DLC1: variants seen among roughly 807,000 people sequenced by gnomAD.
The protein encoded by DLC1 is DLC1 Rho GTPase activating protein.
In DLC1, 54 loss-of-function variants were observed where a neutral mutation model predicts 140.3. The ratio of observed to expected loss-of-function variants is 0.38; its 90% CI spans 0.31 to 0.48. DLC1 has a LOEUF of 0.48. DLC1 is among the 20% of genes least tolerant of loss of function. The pLI is 0.96. For missense variants in DLC1, 2,536 were observed against 1,907.0 expected, an observed-to-expected ratio of 1.33 and a Z score of -6.14; for synonymous variants, 986 against 728.1, an observed-to-expected ratio of 1.35 and a Z score of -5.70.
chr8:13,163,947 G>A (rs967806891), intron 5 of DLC1, among the ~76,000 whole-genome samples: 2 of 152,090 alleles, frequency 1.3e-5, no homozygotes, highest in African/African-American at 4.8e-5. Context: ...CAAGGCTTCA[G>A]TGAGCCATGA....
chr8:13,106,091 G>GAGGGAGGAGTGCA (rs1183779544), intron 7 of DLC1, among the ~76,000 whole-genome samples: 8 of 152,162 alleles, frequency 5.3e-5, no homozygotes, highest in Non-Finnish European at 7.3e-5. Context: ...CTGCTCTGAA[G>GAGGGAGGAGTGCA]AGGGAGGAGT....
chr8:13,143,496 C>A (rs1410011767), intron 5 of DLC1, among the ~76,000 whole-genome samples: 8 of 152,100 alleles, frequency 5.3e-5, no homozygotes, highest in African/African-American at 1.9e-4. Flanking sequence ...CAATCTGTTG[C>A]CTAAGCTGAA....
At chr8:13,248,133 A>G (rs561987049) in intron 5 of DLC1, among the ~76,000 whole-genome samples, 2 of 152,246 alleles carry the variant, frequency 1.3e-5, no homozygotes, top group South Asian at 4.2e-4. Flanking sequence ...TGTTAAATGA[A>G]CCACTTCCTT....
chr8:13,537,494 C>A (rs1196254659), intron 1 of DLC1, among the ~76,000 whole-genome samples: 2 of 152,054 alleles, frequency 1.3e-5, no homozygotes, highest in Non-Finnish European at 2.9e-5. Flanking sequence ...ATGAATCAAT[C>A]TCAAGTCTTA....
At chr8:13,461,786 C>T (rs1453526463) in intron 2 of DLC1, among the ~76,000 whole-genome samples, 1 of 152,104 alleles carries the variant, frequency 6.6e-6, no homozygotes, top group African/African-American at 2.4e-5. Flanking sequence ...GCAGAGGGAG[C>T]CTCATCTCTC....
chr8:13,124,957 C>G (rs1388637356), intron 5 of DLC1, among the ~76,000 whole-genome samples: 1 of 152,018 alleles, frequency 6.6e-6, no homozygotes, highest in East Asian at 1.9e-4. Context: ...TAAAAGCTAA[C>G]ATTTCCAATT....
intron 8 of DLC1, among the ~76,000 whole-genome samples, chr8:13,102,096 C>A (rs1260781897): frequency 6.6e-6 from 1 of 152,178 alleles, no homozygotes; most frequent in African/African-American, 2.4e-5. Context: ...GGGATTCTGG[C>A]ATAATTAAAA....
At chr8:13,115,398 G>GC (rs1036800120) in intron 6 of DLC1, among the ~76,000 whole-genome samples, 188 bp downstream of exon 6, 2 of 152,134 alleles carry the variant, frequency 1.3e-5, no homozygotes, top group African/African-American at 4.8e-5. Flanking sequence ...TGGGGGAGTG[G>GC]CATGGGCGTG....
intron 4 of DLC1, among the ~76,000 whole-genome samples, chr8:13,315,678 G>A (rs192471987): frequency 6.6e-6 from 1 of 152,236 alleles, no homozygotes; most frequent in East Asian, 1.9e-4. Flanking sequence ...TATTTTGTTT[G>A]TTAATTTCCA....
intron 3 of DLC1, among the ~76,000 whole-genome samples, chr8:13,398,466 A>T (rs1382677934): frequency 6.6e-6 from 1 of 151,974 alleles, no homozygotes; most frequent in Non-Finnish European, 1.5e-5. Context: ...AATAGCCAAT[A>T]ATTAAATCAA....
intron 5 of DLC1, among the ~76,000 whole-genome samples, chr8:13,189,687 A>C (rs572739757): frequency 1.3e-5 from 2 of 152,290 alleles, no homozygotes; most frequent in African/African-American, 4.8e-5. Flanking sequence ...GTTTGAGACC[A>C]TCCTGGCAAA....
At chr8:13,309,653 T>A (rs556305827) in intron 4 of DLC1, among the ~76,000 whole-genome samples, 1 of 152,164 alleles carries the variant, frequency 6.6e-6, no homozygotes, top group Non-Finnish European at 1.5e-5. Context: ...ACATGCCACA[T>A]GGAAATGTTC....
In DLC1 at chr8:13,299,876, G is replaced by A. The variant is rs111356486; in HGVS notation, c.1348+5393C>T. ...CAGAAGCTGGAGAAGACACAGTGGC[G>A]ATTCCTCAGAGATTTTGAACCAGAA... is the stretch of plus-strand genomic sequence containing the variant. On this transcript the variant is annotated intron_variant, in intron 5 of 17. Coordinates refer to ENST00000276297, the MANE Select transcript of DLC1 (RefSeq NM_182643.3). Among the ~76,000 whole-genome samples, 614 of 152,214 alleles carry A rather than the reference G, an allele frequency of 4.0e-3. 4 individuals carry two copies. Among genetic ancestry groups the A allele is most frequent in the African/African-American group, 0.014 (594 of 41,536 alleles).
intron 1 of DLC1, among the ~76,000 whole-genome samples, chr8:13,527,265 C>G (rs1802945955): frequency 6.6e-6 from 1 of 152,106 alleles, no homozygotes; most frequent in Non-Finnish European, 1.5e-5. Flanking sequence ...CTGCTGTATT[C>G]CTAGTATGCT....
chr8:13,236,066 T>C (rs1829262188), intron 5 of DLC1, among the ~76,000 whole-genome samples: 1 of 152,050 alleles, frequency 6.6e-6, no homozygotes, highest in African/African-American at 2.4e-5. Context: ...TATACAAATC[T>C]AAAATATATT....
At position 13,513,535 on chromosome 8, in the gene DLC1, C is replaced by T. The variant is rs1802469425; in HGVS notation, c.-126+1067G>A. Reference sequence around the variant, plus strand: ...TGTCAAAATAGCTCTCCATCTTTCACTTAGTATATTTTGTATTCATCTAAT... The same window carrying T: ...TGTCAAAATAGCTCTCCATCTTTCATTTAGTATATTTTGTATTCATCTAAT... On this transcript the variant is annotated intron_variant, in intron 1 of 17. Transcript: ENST00000276297. Among the ~76,000 whole-genome samples the T allele has an allele frequency of 3.3e-5, 5 of 152,018 alleles. No homozygotes were observed. The South Asian group carries it at 1.0e-3, about 32-fold the overall frequency.
At chr8:13,514,191 G>A (rs1802499073) in intron 1 of DLC1, among the ~76,000 whole-genome samples, 1 of 152,052 alleles carries the variant, frequency 6.6e-6, no homozygotes, top group African/African-American at 2.4e-5. Context: ...CAAGTCACTC[G>A]GGTGCTTTCT....
At chr8:13,546,750 T>C (rs778783943) in intron 1 of DLC1, among the ~76,000 whole-genome samples, 24 of 152,146 alleles carry the variant, frequency 1.6e-4, no homozygotes, top group Non-Finnish European at 3.2e-4. Context: ...AGTAAATGGC[T>C]CTAAGCATTC....
chr8:13,541,038 C>T (rs1803465995), intron 1 of DLC1, among the ~76,000 whole-genome samples: 1 of 152,170 alleles, frequency 6.6e-6, no homozygotes, highest in Non-Finnish European at 1.5e-5. Context: ...TCTTCATTAG[C>T]TCTATTGAGT....
Sources: gnomAD v4.1 joint callset for allele counts (sites outside exome capture counted in the v4.1 genomes callset) on GRCh38, gnomAD v4.1.1 for gene constraint, MANE v1.5 for transcripts, NCBI Gene and HGNC (gene_info 2026-07-23, HGNC 2026-07-21) for gene names.